The following MFAP1 variants were observed in gnomAD, a reference collection of about 807,000 sequenced individuals.
MFAP1 encodes microfibrillar-associated protein 1.
MFAP1 carries 18 observed loss-of-function variants against 62.2 expected under a neutral mutation model. That is an observed-to-expected ratio of 0.29 (90% CI 0.20 to 0.43). The LOEUF is 0.43. Among genes scored for constraint, MFAP1 ranks in the 20% least tolerant of loss-of-function variants. MFAP1 has a pLI of 1.00. For missense variants in MFAP1, 355 were observed against 559.7 expected (o/e 0.63, Z 3.69); for synonymous variants, 175 against 180.4 (o/e 0.97, Z 0.24).
At chr15:43,814,732 G>A in intron 3 of MFAP1, 44 bp from the exon 4 acceptor site, 1 of 1,590,252 alleles carries the variant, frequency 6.3e-7, no homozygotes. Context: ...ATGGCCTATG[G>A]CTTTTTGTTC....
intron 4 of MFAP1, among the ~76,000 whole-genome samples, chr15:43,814,275 C>T (rs189209612): frequency 6.6e-6 from 1 of 152,202 alleles, no homozygotes; most frequent in East Asian, 1.9e-4. Context: ...AGGCCTTGGA[C>T]AGATATATGC....
At chr15:43,814,911 C>G in intron 3 of MFAP1, 34 bp downstream of exon 3, 1 of 1,608,902 alleles carries the variant, frequency 6.2e-7, no homozygotes, top group Admixed American at 1.7e-5. Context: ...TTTCTTATAT[C>G]CAGAAAAAAA....
chr15:43,816,247 T>TTTC lies in MFAP1; in HGVS notation c.299+979_299+981dup, dbSNP rs2087433129. Among the ~76,000 whole-genome samples the TTTC allele has an allele frequency of 4.4e-5, 4 of 91,724 alleles. No homozygotes were observed. In the South Asian group the frequency reaches 1.5e-3, roughly 34 times the overall value. 60.2% of individuals were successfully genotyped at this position (91,724 alleles called of 152,430 possible). A position where few individuals can be genotyped will look rare whatever the true frequency, so the allele number is the denominator to read the frequency against. On this transcript the variant is annotated intron_variant, in intron 2 of 8. Transcript: ENST00000267812. ...AATTTTATTTTTTTTTCTTTTTTCT[T>TTTC]TTCTTTTTTTTTTTTTGAGATGGAG...
chr15:43,813,377 T>C lies in MFAP1; in HGVS notation c.618-20A>G, dbSNP rs771748185. 1.8e-5 allele frequency: 28 copies of C among 1,596,144 alleles called. No individual in the cohort carries two copies. The highest frequency in any genetic ancestry group is 2.3e-5 in the Non-Finnish European group (27 of 1,174,972). On this transcript the variant is annotated intron_variant, in intron 4 of 8. Coordinates refer to ENST00000267812, the MANE Select transcript of MFAP1 (RefSeq NM_005926.3). ...TCCTTCCTGCATCACAGAGATCCTG[T>C]TAATTGCCCAAAGTCCTTAGAGTGG... is the stretch of plus-strand genomic sequence containing the variant.
At position 43,809,811 on chromosome 15, in the gene MFAP1, C is replaced by T. The variant is rs1220415400; in HGVS notation, c.991G>A (p.Val331Ile). 20 of 1,614,168 alleles carry T rather than the reference C, an allele frequency of 1.2e-5. No individual in the cohort carries two copies. Among genetic ancestry groups the T allele is most frequent in the Non-Finnish European group, 1.5e-5 (18 of 1,180,026 alleles). ...TGTAAGAACTTGTATTTGCCCTTAA[C>T]AGCTTTGTTGGTAATGACTTTGCCG... ...ANGKVITNKA[V>I]KGKYKFLQKY... Residue 331 changes from valine to isoleucine, a missense_variant, in exon 7 of 9, where the codon GTT (valine) becomes ATT (isoleucine). This residue lies in a region of MFAP1 where 24 missense variants were observed against 57.0 expected (regional missense o/e 0.42). Coordinates refer to ENST00000267812, the MANE Select transcript of MFAP1 (RefSeq NM_005926.3).
At chr15:43,813,986 G>A (rs1293576380) in intron 4 of MFAP1, among the ~76,000 whole-genome samples, 1 of 152,134 alleles carries the variant, frequency 6.6e-6, no homozygotes, top group Non-Finnish European at 1.5e-5. Context: ...TGGTGCCGTG[G>A]CTCATGCCTG....
In MFAP1 at chr15:43,805,479, AT is replaced by A; in HGVS notation, c.1048-15del. On this transcript the variant is annotated splice_polypyrimidine_tract_variant and intron_variant, in intron 7 of 8. Coordinates refer to ENST00000267812, the MANE Select transcript of MFAP1 (RefSeq NM_005926.3). ...TTCATCCTCATCCTGTATAAAAAAA[AT>A]CTTATCAATCTTGTGGCTTTATTTC... The A allele has an allele frequency of 5.0e-6, 8 of 1,591,242 alleles. No homozygotes were observed. Among genetic ancestry groups the A allele is most frequent in the African/African-American group, 1.4e-5 (1 of 73,604 alleles).
intron 1 of MFAP1, 44 bp downstream of exon 1, chr15:43,824,447 G>A (rs749490676): frequency 7.2e-5 from 115 of 1,603,974 alleles, no homozygotes; most frequent in Admixed American, 4.7e-4. Context: ...GCTGGGGCCG[G>A]AAGGGGTTAA....
intron 1 of MFAP1, among the ~76,000 whole-genome samples, chr15:43,818,607 A>AG (rs916459821): frequency 5.3e-5 from 8 of 151,792 alleles, no homozygotes; most frequent in African/African-American, 9.7e-5. Flanking sequence ...AAAATTAATG[A>AG]GGGGGCCAGG....
intron 7 of MFAP1, 21 bp from the exon 8 acceptor site, chr15:43,805,486 C>G: frequency 6.3e-7 from 1 of 1,587,554 alleles, no homozygotes; most frequent in South Asian, 1.2e-5. Context: ...AAAATCTTAT[C>G]AATCTTGTGG....
chr15:43,809,322 T>C (rs1296462343), intron 7 of MFAP1, among the ~76,000 whole-genome samples: 6 of 91,230 alleles, frequency 6.6e-5, no homozygotes, highest in Non-Finnish European at 1.4e-4. Context: ...TACGAAAAAT[T>C]AAAAAAAAAA....
chr15:43,809,993 G>A (rs1364064137), intron 6 of MFAP1, 79 bp from the exon 7 acceptor site: 12 of 1,502,448 alleles, frequency 8.0e-6, no homozygotes, highest in Non-Finnish European at 9.1e-7. Context: ...ACAGTCCCAT[G>A]TCATTTCAAG....
intron 6 of MFAP1, among the ~76,000 whole-genome samples, chr15:43,811,849 C>T (rs1284644062): frequency 6.6e-6 from 1 of 151,746 alleles, no homozygotes; most frequent in Non-Finnish European, 1.5e-5. Flanking sequence ...TCTGGGATTA[C>T]CCTCTCATAC....
intron 1 of MFAP1, among the ~76,000 whole-genome samples, chr15:43,822,200 CAA>C (rs779775224): frequency 9.1e-5 from 6 of 65,934 alleles, no homozygotes; most frequent in Admixed American, 1.7e-4. Flanking sequence ...AACTCTTTCT[CAA>C]AAAAAAAAAA....
chr15:43,824,637 C>T lies in MFAP1; in HGVS notation c.-68G>A. The stretch of plus-strand genomic sequence containing the variant: ...AAACAGTGAACACCAGCAACGTCAA[C>T]GAAGAGAAGAAATTCCTTCCACCTG... On this transcript the variant is annotated 5_prime_UTR_variant, in exon 1 of 9. Transcript: ENST00000267812. 1 of 1,534,396 alleles carries T rather than the reference C, an allele frequency of 6.5e-7. No homozygotes were observed. The highest frequency in any genetic ancestry group is 1.1e-5 in the South Asian group (1 of 88,990).
At chr15:43,805,627 T>G (rs528523307) in intron 7 of MFAP1, among the ~76,000 whole-genome samples, 162 bp from the exon 8 acceptor site, 1 of 152,212 alleles carries the variant, frequency 6.6e-6, no homozygotes, top group South Asian at 2.1e-4. Flanking sequence ...TTTTTTTTTT[T>G]TCTGAGACGG....
At chr15:43,820,999 G>A (rs2087463693) in intron 1 of MFAP1, among the ~76,000 whole-genome samples, 1 of 152,098 alleles carries the variant, frequency 6.6e-6, no homozygotes, top group Non-Finnish European at 1.5e-5. Context: ...TCAACCTCCT[G>A]GGCTAAAGTG....
At chr15:43,808,331 G>C in intron 7 of MFAP1, among the ~76,000 whole-genome samples, 1 of 152,138 alleles carries the variant, frequency 6.6e-6, no homozygotes, top group East Asian at 1.9e-4. Context: ...TCAGCCCCTT[G>C]ATAGGTGACA....
At chr15:43,807,611 G>A (rs184043482) in intron 7 of MFAP1, among the ~76,000 whole-genome samples, 26 of 151,806 alleles carry the variant, frequency 1.7e-4, no homozygotes, top group African/African-American at 6.3e-4. Flanking sequence ...GCCTCCCAAA[G>A]TGCTGGGATT....
Sources: allele counts gnomAD v4.1 joint callset (sites outside exome capture counted in the v4.1 genomes callset), GRCh38; gene constraint gnomAD v4.1.1; regional missense constraint gnomAD v4.1.1; transcripts MANE v1.5; gene names NCBI Gene and HGNC (gene_info 2026-07-23, HGNC 2026-07-21).